Variants in MPZL3 observed in about 807,000 individuals in gnomAD.
MPZL3 encodes the protein myelin protein zero like 3.
In MPZL3, 23 loss-of-function variants were observed where a neutral mutation model predicts 24.8. That is an observed-to-expected ratio of 0.93 (90% CI 0.67 to 1.31). The LOEUF (loss-of-function observed/expected upper bound fraction) is 1.31, where lower values mean the gene tolerates loss of function less well. Ranked by LOEUF, MPZL3 falls within the 40% of genes most tolerant of loss-of-function variation. The pLI is 0.00. For missense variants in MPZL3, 277 were observed against 294.9 expected (o/e 0.94, Z 0.44); for synonymous variants, 99 against 106.5 (o/e 0.93, Z 0.44).
intron 1 of MPZL3, among the ~76,000 whole-genome samples, chr11:118,248,168 C>T (rs552133461): frequency 8.0e-5 from 12 of 150,826 alleles, no homozygotes; most frequent in South Asian, 4.2e-4. Context: ...CTCCACCTCC[C>T]GGGTTCAAAT....
At chr11:118,237,345 A>G in intron 2 of MPZL3, 85 bp from the exon 3 acceptor site, 2 of 1,232,310 alleles carry the variant, frequency 1.6e-6, no homozygotes, top group Non-Finnish European at 2.4e-6. Flanking sequence ...AATAAAATAC[A>G]ACTGTATAAT....
intron 5 of MPZL3, among the ~76,000 whole-genome samples, chr11:118,230,979 T>C (rs1278802164): frequency 6.6e-6 from 1 of 152,206 alleles, no homozygotes; most frequent in Non-Finnish European, 1.5e-5. Flanking sequence ...TTCTCCCATC[T>C]TAAAAAGAAA....
rs1949514430 is a variant in MPZL3, at chr11:118,242,901, G to C, written c.74-2524C>G. Reference sequence around the variant, plus strand: ...GCAAAAATTCAGAGGGAGGGGAGCAGGCAGAGGGACACTGAGAGAAACAGG... The same window carrying C: ...GCAAAAATTCAGAGGGAGGGGAGCACGCAGAGGGACACTGAGAGAAACAGG... On this transcript the variant is annotated intron_variant, in intron 1 of 5. Transcript: ENST00000278949. 2.0e-5 allele frequency among the ~76,000 whole-genome samples: 3 copies of C among 152,316 alleles called. No individual in the cohort carries two copies. In the South Asian group the frequency reaches 6.2e-4, roughly 32 times the overall value.
intron 1 of MPZL3, 95 bp downstream of exon 1, chr11:118,252,127 G>A: frequency 8.0e-7 from 1 of 1,243,536 alleles, no homozygotes; most frequent in Non-Finnish European, 1.2e-6. Flanking sequence ...GCTATGCGGG[G>A]GCTTTCTGGA....
chr11:118,241,258 T>C (rs1949495169), intron 1 of MPZL3, among the ~76,000 whole-genome samples: 1 of 152,228 alleles, frequency 6.6e-6, no homozygotes, highest in African/African-American at 2.4e-5. Flanking sequence ...CCTGCTTCCT[T>C]ATCTACCTCA....
chr11:118,232,232 C>T (rs1442805510), intron 5 of MPZL3, among the ~76,000 whole-genome samples: 3 of 152,130 alleles, frequency 2.0e-5, no homozygotes, highest in Admixed American at 2.0e-4. Context: ...TCCACAATAG[C>T]CATATGGCTT....
intron 2 of MPZL3, among the ~76,000 whole-genome samples, chr11:118,239,255 A>C (rs761210141): frequency 5.9e-5 from 9 of 151,680 alleles, no homozygotes; most frequent in East Asian, 3.8e-4. Flanking sequence ...TCAAGTCTGA[A>C]AAAAAAGTGG....
chr11:118,234,517 A>G (rs1284180192), intron 4 of MPZL3, among the ~76,000 whole-genome samples: 1 of 152,176 alleles, frequency 6.6e-6, no homozygotes, highest in East Asian at 1.9e-4. Context: ...CGAATGAAGT[A>G]TAGTATGTTA....
At chr11:118,234,559 C>T (rs1476903318) in intron 4 of MPZL3, among the ~76,000 whole-genome samples, 1 of 152,020 alleles carries the variant, frequency 6.6e-6, no homozygotes, top group Non-Finnish European at 1.5e-5. Context: ...GCAGCTGGGA[C>T]GTGGGGAGAT....
At chr11:118,247,010 G>C (rs1949563041) in intron 1 of MPZL3, among the ~76,000 whole-genome samples, 1 of 152,120 alleles carries the variant, frequency 6.6e-6, no homozygotes, top group South Asian at 2.1e-4. Flanking sequence ...GGTAAGAGTG[G>C]GAGCTGTGGG....
chr11:118,247,923 C>T (rs1488859156), intron 1 of MPZL3, among the ~76,000 whole-genome samples: 1 of 152,182 alleles, frequency 6.6e-6, no homozygotes, highest in Admixed American at 6.5e-5. Flanking sequence ...GTTTCTAATG[C>T]ATTTCCCTCT....
At position 118,246,575 on chromosome 11, in the gene MPZL3, T is replaced by TTTTC. The variant is rs1241147823; in HGVS notation, c.73+5646_73+5647insGAAA. ...GTGTATGGGCCACTTTTCTTTTCTT[T>TTTTC]TTTTCTTTTCTTTTTTTTTTTTTTT... On this transcript the variant is annotated intron_variant, in intron 1 of 5. Transcript: ENST00000278949. Among the ~76,000 whole-genome samples, 429 of 132,724 alleles carry TTTTC rather than the reference T, an allele frequency of 3.2e-3. 2 individuals are homozygous for TTTTC. The highest frequency in any genetic ancestry group is 0.014 in the African/African-American group (413 of 30,482). 87.1% of individuals were successfully genotyped at this position (132,724 alleles called of 152,430 possible).
Position 118,240,364 on chromosome 11 carries a change from G to C in MPZL3, c.87C>G (p.Val29=). ...GVLFFQGVYI[V]FSLEIRADAH... ...CATCTGCACGAATCTCCAAGGAAAA[G>C]ACGATATAAACACCTAATCAAAGCA... Residue 29 remains valine, a synonymous_variant, in exon 2 of 6, where the codon GTC becomes GTG. Coordinates refer to ENST00000278949, the MANE Select transcript of MPZL3 (RefSeq NM_198275.3). 1.2e-6 allele frequency: 2 copies of C among 1,605,098 alleles called. No individual in the cohort carries two copies. Among genetic ancestry groups the C allele is most frequent in the Non-Finnish European group, 1.7e-6 (2 of 1,176,934 alleles).
chr11:118,248,306 G>A (rs1372463180), intron 1 of MPZL3, among the ~76,000 whole-genome samples: 3 of 152,048 alleles, frequency 2.0e-5, no homozygotes, highest in African/African-American at 2.4e-5. Context: ...GAGCCACCGT[G>A]CCCAGCCCAG....
intron 1 of MPZL3, among the ~76,000 whole-genome samples, chr11:118,248,583 T>C (rs1416709379): frequency 6.6e-6 from 1 of 152,088 alleles, no homozygotes; most frequent in African/African-American, 2.4e-5. Context: ...GGGGTCTTAA[T>C]TGTATAGTTA....
intron 2 of MPZL3, among the ~76,000 whole-genome samples, chr11:118,238,528 C>G (rs575596842): frequency 6.6e-6 from 1 of 152,318 alleles, no homozygotes; most frequent in Admixed American, 6.5e-5. Context: ...TGCAATATGG[C>G]TTATGCAAAA....
intron 1 of MPZL3, among the ~76,000 whole-genome samples, chr11:118,250,571 TTTTG>T (rs937847282): frequency 5.2e-5 from 7 of 135,390 alleles, no homozygotes; most frequent in South Asian, 4.3e-4. Flanking sequence ...GTTGTTTCTT[TTTTG>T]TTTGTTTTTG....
In MPZL3 at chr11:118,229,787, T is replaced by C. The variant is rs929541519; in HGVS notation, c.*107A>G. On this transcript the variant is annotated 3_prime_UTR_variant, in exon 6 of 6. Transcript: ENST00000278949. The stretch of plus-strand genomic sequence containing the variant: ...TACTGATGATCTCCAGGATTGTCCA[T>C]CGCTATGGTCCAGGCCAGCTCCACT... The C allele has an allele frequency of 1.0e-5, 11 of 1,054,820 alleles. No individual in the cohort carries two copies. The highest frequency in any genetic ancestry group is 1.6e-5 in the Non-Finnish European group (11 of 693,706). 65.3% of individuals were successfully genotyped at this position (1,054,820 alleles called of 1,614,324 possible).
intron 1 of MPZL3, among the ~76,000 whole-genome samples, chr11:118,243,139 A>C (rs892203748): frequency 6.6e-6 from 1 of 152,146 alleles, no homozygotes; most frequent in Non-Finnish European, 1.5e-5. Context: ...CAATTACCAT[A>C]AGAAATGCGT....
Sources: gnomAD v4.1 joint callset for allele counts (sites outside exome capture counted in the v4.1 genomes callset) on GRCh38, gnomAD v4.1.1 for gene constraint, MANE v1.5 for transcripts, NCBI Gene and HGNC (gene_info 2026-07-23, HGNC 2026-07-21) for gene names.